Variants in IGFBP7 observed in about 807,000 individuals in gnomAD.
IGFBP7 encodes insulin like growth factor binding protein 7.
Under a neutral mutation model 29.4 loss-of-function variants are expected in IGFBP7, and 31 were observed. That is an observed-to-expected ratio of 1.05 (90% CI 0.79 to 1.42). The LOEUF (loss-of-function observed/expected upper bound fraction) is 1.42, where lower values mean the gene tolerates loss of function less well. Ranked by LOEUF, IGFBP7 falls within the 40% of genes most tolerant of loss-of-function variation. The pLI is 0.00. For synonymous variants in IGFBP7, 172 were observed against 174.9 expected (o/e 0.98, Z 0.13); for missense variants, 393 against 395.5 (o/e 0.99, Z 0.05).
rs192721904 is a variant in IGFBP7 at position 57,050,529 on chromosome 4, G to A, written c.476-9596C>T. ...CAAAGAGCTAGGATTAAAGGCATAA[G>A]CCACTGCACCTGGCTTTTCAAAAGT... On this transcript the variant is annotated intron_variant, in intron 1 of 4. Transcript: ENST00000295666. Among the ~76,000 whole-genome samples, 70 of 151,970 alleles carry A rather than the reference G, an allele frequency of 4.6e-4. No homozygotes were observed. In the South Asian group the frequency reaches 0.012, roughly 27 times the overall value.
chr4:57,055,007 ACGG>A (rs1337299472), intron 1 of IGFBP7, among the ~76,000 whole-genome samples: 3 of 152,236 alleles, frequency 2.0e-5, no homozygotes, highest in African/African-American at 7.2e-5. Context: ...GGCGAGGCTG[ACGG>A]CACTGGAAAG....
rs763563366 is a variant in IGFBP7, at chr4:57,110,376, G to A, written c.-25C>T. 1.5e-6 allele frequency: 2 copies of A among 1,314,358 alleles called. No individual in the cohort carries two copies. The highest frequency in any genetic ancestry group is 1.9e-6 in the Non-Finnish European group (2 of 1,033,800). 81.4% of individuals were successfully genotyped at this position (1,314,358 alleles called of 1,614,324 possible). On this transcript the variant is annotated 5_prime_UTR_variant, in exon 1 of 5. Transcript: ENST00000295666. ...TGGCGGGGTGCGGTGGCAGCGGCAA[G>A]GGCGCGAGTGAGCCGTGTCGGGCCG...
chr4:57,102,339 A>G (rs915059882), intron 1 of IGFBP7, among the ~76,000 whole-genome samples: 4 of 152,214 alleles, frequency 2.6e-5, no homozygotes, highest in African/African-American at 9.6e-5. Context: ...ATGCCTGCTC[A>G]GCTTAATCAT....
chr4:57,034,064 A>AAAC (rs1285672437), intron 2 of IGFBP7, among the ~76,000 whole-genome samples: 2 of 151,294 alleles, frequency 1.3e-5, no homozygotes, highest in Non-Finnish European at 2.9e-5. Flanking sequence ...AAAAAAAAAA[A>AAAC]AAAACAGCTG....
At chr4:57,036,721 G>A (rs1365466914) in intron 2 of IGFBP7, among the ~76,000 whole-genome samples, 2 of 152,142 alleles carry the variant, frequency 1.3e-5, no homozygotes, top group South Asian at 2.1e-4. Flanking sequence ...AATTGCCACC[G>A]TAGTCTCAAG....
intron 1 of IGFBP7, among the ~76,000 whole-genome samples, chr4:57,089,138 T>C (rs1050493976): frequency 6.6e-6 from 1 of 151,526 alleles, no homozygotes; most frequent in African/African-American, 2.4e-5. Flanking sequence ...AAAACATTAA[T>C]CTCCATAACA....
intron 1 of IGFBP7, among the ~76,000 whole-genome samples, chr4:57,075,482 G>A (rs1725199467): frequency 6.6e-6 from 1 of 152,098 alleles, no homozygotes; most frequent in African/African-American, 2.4e-5. Flanking sequence ...CATTCACAGA[G>A]GAATGTCTAT....
intron 1 of IGFBP7, among the ~76,000 whole-genome samples, chr4:57,073,373 T>C (rs1161231388): frequency 6.6e-6 from 1 of 151,918 alleles, no homozygotes; most frequent in African/African-American, 2.4e-5. Flanking sequence ...GAGGGGAGGA[T>C]TGCTTGAGTT....
intron 1 of IGFBP7, among the ~76,000 whole-genome samples, chr4:57,092,849 T>C (rs1725672523): frequency 6.6e-6 from 1 of 151,064 alleles, no homozygotes; most frequent in African/African-American, 2.4e-5. Flanking sequence ...GATTTATAAA[T>C]AAAATTTATA....
intron 1 of IGFBP7, among the ~76,000 whole-genome samples, chr4:57,082,921 A>G (rs1255388025): frequency 6.6e-6 from 1 of 152,100 alleles, no homozygotes. Flanking sequence ...ACACCACCAC[A>G]CCTGGCTTAA....
chr4:57,106,261 C>T (rs1433696962), intron 1 of IGFBP7, among the ~76,000 whole-genome samples: 1 of 151,964 alleles, frequency 6.6e-6, no homozygotes, highest in Non-Finnish European at 1.5e-5. Context: ...AGGTAATGTG[C>T]CAATGTCATA....
At chr4:57,064,603 G>C (rs1056231064) in intron 1 of IGFBP7, among the ~76,000 whole-genome samples, 2 of 152,136 alleles carry the variant, frequency 1.3e-5, no homozygotes, top group African/African-American at 4.8e-5. Context: ...TAGTGAGCTG[G>C]GTGACAAGAG....
At chr4:57,032,187 A>T in intron 4 of IGFBP7, 1 of 1,036,044 alleles carries the variant, frequency 9.7e-7, no homozygotes, top group Non-Finnish European at 1.3e-6. Flanking sequence ...TTTGATTTTG[A>T]CTCTTACATG....
chr4:57,105,502 T>C (rs549422350), intron 1 of IGFBP7, among the ~76,000 whole-genome samples: 1 of 152,328 alleles, frequency 6.6e-6, no homozygotes, highest in African/African-American at 2.4e-5. Flanking sequence ...TGTTGAATAA[T>C]GACAACAATT....
intron 1 of IGFBP7, among the ~76,000 whole-genome samples, chr4:57,086,426 C>A (rs567364472): frequency 1.2e-4 from 18 of 152,194 alleles, no homozygotes; most frequent in Non-Finnish European, 1.3e-4. Context: ...CCCTTGCACT[C>A]ACCCACTAAT....
In IGFBP7 at chr4:57,110,088, C is replaced by T. The variant is rs759947763; in HGVS notation, c.264G>A (p.Val88=). The change falls in exon 1 of 5, where the codon GTG becomes GTA. Residue 88 remains valine, a synonymous_variant. Coordinates refer to ENST00000295666, the MANE Select transcript of IGFBP7 (RefSeq NM_001553.3). ...RGYCAPGMEC[V]KSRKRRKGKA... The stretch of plus-strand genomic sequence containing the variant: ...TACCCTTCCGCCTCTTGCGGCTCTT[C>T]ACGCACTCCATGCCCGGCGCGCAGT... 2.3e-5 allele frequency: 36 copies of T among 1,551,222 alleles called. No homozygotes were observed. The South Asian group carries it at 2.7e-4, about 12-fold the overall frequency.
intron 2 of IGFBP7, among the ~76,000 whole-genome samples, chr4:57,035,906 G>A (rs1724073340): frequency 1.3e-5 from 2 of 152,214 alleles, no homozygotes; most frequent in African/African-American, 4.8e-5. Flanking sequence ...AAAGTAATCT[G>A]ACAATGTCTG....
At chr4:57,066,930 C>A (rs1400279927) in intron 1 of IGFBP7, among the ~76,000 whole-genome samples, 1 of 150,732 alleles carries the variant, frequency 6.6e-6, no homozygotes, top group Non-Finnish European at 1.5e-5. Flanking sequence ...CCATCATCAG[C>A]TAGAGTTCTT....
At chr4:57,054,955 A>G (rs1023781138) in intron 1 of IGFBP7, among the ~76,000 whole-genome samples, 2 of 152,150 alleles carry the variant, frequency 1.3e-5, no homozygotes, top group Non-Finnish European at 2.9e-5. Context: ...CACTCTGCCC[A>G]AGGAAAAGAT....
Sources: allele counts gnomAD v4.1 joint callset (sites outside exome capture counted in the v4.1 genomes callset), GRCh38; gene constraint gnomAD v4.1.1; transcripts MANE v1.5; gene names NCBI Gene and HGNC (gene_info 2026-07-23, HGNC 2026-07-21).